The following ADAMTS19 variants were observed in gnomAD, a reference collection of about 807,000 sequenced individuals.
ADAMTS19 encodes ADAM metallopeptidase with thrombospondin type 1 motif 19, also known as A disintegrin and metalloproteinase with thrombospondin motifs 19.
In ADAMTS19, 93 loss-of-function variants were observed where a neutral mutation model predicts 153.3. The ratio of observed to expected loss-of-function variants is 0.61; its 90% confidence interval spans 0.51 to 0.72. The LOEUF (loss-of-function observed/expected upper bound fraction) is 0.72, where lower values mean the gene tolerates loss of function less well. ADAMTS19 is among the 30% of genes least tolerant of loss of function. The probability of loss-of-function intolerance (pLI) is 0.00; values close to 1 mark genes in which losing one functional copy is unlikely to be tolerated. For synonymous variants in ADAMTS19, 600 were observed against 556.6 expected (o/e 1.08, Z -1.10); for missense variants, 1,482 against 1,552.1 (o/e 0.95, Z 0.76).
At chr5:129,554,807 G>A (rs762844430) in intron 7 of ADAMTS19, among the ~76,000 whole-genome samples, 10 of 152,120 alleles carry the variant, frequency 6.6e-5, no homozygotes, top group South Asian at 2.1e-4. Flanking sequence ...AAAATATGGC[G>A]CAATATTAAT....
At chr5:129,581,062 C>T (rs1265001420) in intron 7 of ADAMTS19, among the ~76,000 whole-genome samples, 1 of 152,124 alleles carries the variant, frequency 6.6e-6, no homozygotes, top group Non-Finnish European at 1.5e-5. Context: ...TCCATCTGGT[C>T]CTGGGCTTTT....
intron 1 of ADAMTS19, chr5:129,460,800 A>C (rs1749620822): frequency 2.0e-6 from 1 of 495,726 alleles, no homozygotes; most frequent in Admixed American, 3.7e-5. Flanking sequence ...CATACACTTC[A>C]GAAATCGTTT....
In ADAMTS19 at chr5:129,551,919, A is replaced by G; in HGVS notation, c.1372+12A>G. 6.4e-7 allele frequency: 1 copy of G among 1,552,816 alleles called. No individual in the cohort carries two copies. The highest frequency in any genetic ancestry group is 8.7e-7 in the Non-Finnish European group (1 of 1,149,688). ...ATGTGATACTGTTGGTAAGTGTGAAAATTCTCACACTTTTGGAGTTCTGGA... is the reference window on the plus strand; with the variant it reads ...ATGTGATACTGTTGGTAAGTGTGAAGATTCTCACACTTTTGGAGTTCTGGA... On this transcript the variant is annotated intron_variant, in intron 7 of 22. Coordinates refer to ENST00000274487, the MANE Select transcript of ADAMTS19 (RefSeq NM_133638.6).
intron 8 of ADAMTS19, among the ~76,000 whole-genome samples, chr5:129,598,989 A>G (rs563375164): frequency 2.0e-5 from 3 of 152,238 alleles, no homozygotes; most frequent in African/African-American, 7.2e-5. Flanking sequence ...CACAGTTCAA[A>G]CCCATGTTGT....
chr5:129,691,617 T>C (rs1257347037), intron 18 of ADAMTS19, among the ~76,000 whole-genome samples: 1 of 152,204 alleles, frequency 6.6e-6, no homozygotes, highest in Admixed American at 6.5e-5. Flanking sequence ...TGAGTTTTTT[T>C]CTAATTCTAT....
chr5:129,601,775 T>C lies in ADAMTS19; in HGVS notation c.1478+5111T>C, dbSNP rs1482017895. Among the ~76,000 whole-genome samples the C allele has an allele frequency of 2.0e-5, 3 of 152,252 alleles. No individual in the cohort carries two copies. The South Asian group carries it at 6.2e-4, about 32-fold the overall frequency. Reference sequence around the variant, plus strand: ...GGCAACCCGAGAAGCTATATGAGGCTTGATATCCAGGGATTTTACTGGCGT... The same window carrying C: ...GGCAACCCGAGAAGCTATATGAGGCCTGATATCCAGGGATTTTACTGGCGT... On this transcript the variant is annotated intron_variant, in intron 8 of 22. Coordinates refer to ENST00000274487, the MANE Select transcript of ADAMTS19 (RefSeq NM_133638.6).
chr5:129,694,032 T>G (rs1223149658), intron 18 of ADAMTS19, among the ~76,000 whole-genome samples: 1 of 152,186 alleles, frequency 6.6e-6, no homozygotes, highest in African/African-American at 2.4e-5. Context: ...TTTATGTGCT[T>G]TCAGAAAGGC....
intron 13 of ADAMTS19, 115 bp from the exon 14 acceptor site, chr5:129,654,191 T>G (rs1753439490): frequency 2.0e-6 from 2 of 977,728 alleles, no homozygotes. Flanking sequence ...TTACATTACT[T>G]AATTAGCATT....
At chr5:129,515,316 T>C (rs1751563260) in intron 3 of ADAMTS19, among the ~76,000 whole-genome samples, 1 of 151,990 alleles carries the variant, frequency 6.6e-6, no homozygotes, top group Non-Finnish European at 1.5e-5. Context: ...GTTTTTTTTT[T>C]CTAATTCTGT....
chr5:129,478,503 A>G (rs1401804241), intron 2 of ADAMTS19, among the ~76,000 whole-genome samples: 1 of 152,160 alleles, frequency 6.6e-6, no homozygotes, highest in Non-Finnish European at 1.5e-5. Context: ...TCTCCTTTTA[A>G]TCATACCTAC....
intron 21 of ADAMTS19, among the ~76,000 whole-genome samples, chr5:129,706,092 A>G (rs982905760): frequency 1.3e-5 from 2 of 152,226 alleles, no homozygotes; most frequent in East Asian, 1.9e-4. Context: ...AAGAAAAAGT[A>G]CTAGCAGCAA....
At chr5:129,586,795 C>T (rs1372426704) in intron 7 of ADAMTS19, among the ~76,000 whole-genome samples, 1 of 152,170 alleles carries the variant, frequency 6.6e-6, no homozygotes, top group Non-Finnish European at 1.5e-5. Flanking sequence ...TCCTGCTGCT[C>T]CACATTCTCT....
chr5:129,468,457 A>G (rs1179630612), intron 2 of ADAMTS19, among the ~76,000 whole-genome samples: 1 of 151,996 alleles, frequency 6.6e-6, no homozygotes, highest in East Asian at 1.9e-4. Flanking sequence ...GGGTTCAAGC[A>G]ATTCTCCTGC....
At chr5:129,664,992 T>A (rs1753978461) in intron 15 of ADAMTS19, among the ~76,000 whole-genome samples, 1 of 152,156 alleles carries the variant, frequency 6.6e-6, no homozygotes, top group Non-Finnish European at 1.5e-5. Context: ...CGGCATCGGT[T>A]TCAAAACCCT....
intron 2 of ADAMTS19, chr5:129,500,675 A>G (rs1001254350): frequency 2.0e-5 from 3 of 152,162 alleles, no homozygotes; most frequent in South Asian, 4.1e-4. Flanking sequence ...TGAAGCAAAT[A>G]TAGATCTTTT....
chr5:129,612,567 C>T (rs1176190585), intron 8 of ADAMTS19, among the ~76,000 whole-genome samples: 1 of 152,034 alleles, frequency 6.6e-6, no homozygotes, highest in Middle Eastern at 3.2e-3. Flanking sequence ...ACAGCTGGTA[C>T]CAGCCACTGC....
At chr5:129,704,429 A>G (rs1194876942) in intron 21 of ADAMTS19, 38 bp downstream of exon 21, 2 of 1,598,764 alleles carry the variant, frequency 1.3e-6, no homozygotes, top group Admixed American at 3.4e-5. Context: ...AATAGGTTTC[A>G]ATAATGTCAG....
intron 15 of ADAMTS19, among the ~76,000 whole-genome samples, chr5:129,662,584 T>TA (rs1753858932): frequency 6.6e-6 from 1 of 152,228 alleles, no homozygotes; most frequent in Admixed American, 6.5e-5. Context: ...GAGAGTACTA[T>TA]TAAACTCAAA....
chr5:129,482,522 A>G lies in ADAMTS19; in HGVS notation c.747+20765A>G, dbSNP rs1423123790. On this transcript the variant is annotated intron_variant, in intron 2 of 22. Transcript: ENST00000274487. ...CAGAAAATAGGTTTCTTAATTCCCA[A>G]ATTAATTAGCTAAAGTCAAAATATC... is the stretch of plus-strand genomic sequence containing the variant. Among the ~76,000 whole-genome samples the G allele has an allele frequency of 3.3e-5, 5 of 152,232 alleles. 1 individual carries two copies. The highest frequency in any genetic ancestry group is 7.3e-5 in the Non-Finnish European group (5 of 68,042).
Sources: gnomAD v4.1 joint callset for allele counts (sites outside exome capture counted in the v4.1 genomes callset) on GRCh38, gnomAD v4.1.1 for gene constraint, MANE v1.5 for transcripts, NCBI Gene and HGNC (gene_info 2026-07-23, HGNC 2026-07-21) for gene names.